HLCS: variants seen among roughly 807,000 people sequenced by gnomAD.
The protein encoded by HLCS is biotin--protein ligase.
In HLCS, 53 loss-of-function variants were observed where a neutral mutation model predicts 75.0. The ratio of observed to expected loss-of-function variants is 0.71; its 90% CI spans 0.57 to 0.89. The LOEUF (loss-of-function observed/expected upper bound fraction) is 0.89, where lower values mean the gene tolerates loss of function less well. Among genes scored for constraint, HLCS ranks in the 40% least tolerant of loss-of-function variants. The pLI, the probability that HLCS is intolerant of heterozygous loss-of-function variation, is 0.00. For missense variants in HLCS, 966 were observed against 1,074.0 expected (o/e 0.90, Z 1.41); for synonymous variants, 431 against 428.6 (o/e 1.01, Z -0.07).
rs1030820381 is a variant in HLCS, at chr21:36,966,501, C to G, written c.138G>C (p.Pro46=). The change falls in exon 1 of 11, where the codon CCG becomes CCC. Residue 46 remains proline, a synonymous_variant. Transcript: ENST00000674895. ...FTFCGAAAQP[P]GARVCLSRGG... is the part of the protein sequence containing the mutation. Reference sequence around the variant, plus strand: ...CACGGCTCAGGCACACGCGGGCGCCCGGGGGCTGCGCGGCCGCGCCGCAGA... The same window carrying G: ...CACGGCTCAGGCACACGCGGGCGCCGGGGGGCTGCGCGGCCGCGCCGCAGA... 4.1e-6 allele frequency: 4 copies of G among 986,246 alleles called. No individual in the cohort carries two copies. The highest frequency in any genetic ancestry group is 1.8e-5 in the African/African-American group (1 of 56,962). The allele number at this position is 986,246 out of a possible 1,614,324, so 61.1% of individuals were successfully genotyped here. A position where few individuals can be genotyped will look rare whatever the true frequency, so the allele number is the denominator to read the frequency against.
At position 36,816,778 on chromosome 21, in the gene HLCS, A is replaced by G. The variant is rs185133783; in HGVS notation, c.1893-49493T>C. Among the ~76,000 whole-genome samples the G allele has an allele frequency of 2.5e-3, 385 of 152,356 alleles. 10 individuals are homozygous for G. The highest frequency in any genetic ancestry group is 0.024 in the Admixed American group (366 of 15,304). On this transcript the variant is annotated intron_variant, in intron 6 of 10. Coordinates refer to ENST00000674895, the MANE Select transcript of HLCS (RefSeq NM_001352514.2). Reference sequence around the variant, plus strand: ...TACATGGCACAGCTCCAAAGGCAAGAAGCTCATAGCCACCACGAATCTAGT... The same window carrying G: ...TACATGGCACAGCTCCAAAGGCAAGGAGCTCATAGCCACCACGAATCTAGT...
At chr21:36,942,536 G>A (rs2409869) in intron 2 of HLCS, among the ~76,000 whole-genome samples, 91,580 of 151,790 alleles carry the variant, frequency 0.6, 27,860 homozygotes, top group East Asian at 0.68. Context: ...TTCAGAGAAG[G>A]AAAACACAGG....
At chr21:36,908,551 C>T (rs1051665767) in intron 5 of HLCS, among the ~76,000 whole-genome samples, 6 of 152,010 alleles carry the variant, frequency 3.9e-5, no homozygotes, top group Non-Finnish European at 7.4e-5. Flanking sequence ...CTCATATGAC[C>T]GAGAAATTCT....
At chr21:36,969,707 G>C (rs1406793328), upstream of HLCS, 1 of 151,952 alleles carries the variant, frequency 6.6e-6, no homozygotes, top group African/African-American at 2.4e-5. Context: ...CGAGTAGCTG[G>C]GATTACAAGC....
chr21:36,856,515 A>G (rs551792089), intron 6 of HLCS, among the ~76,000 whole-genome samples: 1 of 152,338 alleles, frequency 6.6e-6, no homozygotes, highest in East Asian at 1.9e-4. Flanking sequence ...CACGGCTTCT[A>G]TGGGTCGAAA....
chr21:36,751,006 G>A lies in HLCS; in HGVS notation c.*3240C>T, dbSNP rs1359248520. The A allele has an allele frequency of 6.7e-6, 1 of 150,246 alleles. No individual in the cohort carries two copies. Among genetic ancestry groups the A allele is most frequent in the Non-Finnish European group, 1.5e-5 (1 of 67,708 alleles). 9.3% of individuals were successfully genotyped at this position (150,246 alleles called of 1,614,324 possible). On this transcript the variant is annotated 3_prime_UTR_variant, in exon 11 of 11. Transcript: ENST00000674895. ...CTTGTGTATGGCGCTGAATACATTT[G>A]TCAATAATACGTCAAAAAAAAAAAC...
At position 36,854,358 on chromosome 21, in the gene HLCS, C is replaced by A. The variant is rs560582994; in HGVS notation, c.1892+42502G>T. 2.2e-3 allele frequency among the ~76,000 whole-genome samples: 332 copies of A among 152,262 alleles called. 3 individuals carry two copies. Among genetic ancestry groups the A allele is most frequent in the African/African-American group, 7.7e-3 (321 of 41,558 alleles). On this transcript the variant is annotated intron_variant, in intron 6 of 10. Transcript: ENST00000674895. Reference sequence around the variant, plus strand: ...GGAACAAAAGCTCCCGGGGTTCCCACCAGAGACAGGCACATCTGGGGCACG... The same window carrying A: ...GGAACAAAAGCTCCCGGGGTTCCCAACAGAGACAGGCACATCTGGGGCACG...
intron 5 of HLCS, among the ~76,000 whole-genome samples, chr21:36,917,433 C>T (rs1025639701): frequency 6.6e-6 from 1 of 152,110 alleles, no homozygotes; most frequent in Non-Finnish European, 1.5e-5. Flanking sequence ...AAATGCAGGG[C>T]GCACTTTCCC....
chr21:36,756,130 G>A (rs1478665899), intron 10 of HLCS, among the ~76,000 whole-genome samples: 1 of 152,026 alleles, frequency 6.6e-6, no homozygotes, highest in Non-Finnish European at 1.5e-5. Flanking sequence ...CCAGTGCTCG[G>A]TCCCTCATTT....
At chr21:36,807,721 C>T (rs943272807) in intron 6 of HLCS, among the ~76,000 whole-genome samples, 1 of 152,214 alleles carries the variant, frequency 6.6e-6, no homozygotes, top group Non-Finnish European at 1.5e-5. Context: ...CGACCCTGTT[C>T]TGTGGATCCG....
intron 6 of HLCS, among the ~76,000 whole-genome samples, chr21:36,869,786 A>G (rs1239635089): frequency 6.6e-6 from 1 of 152,192 alleles, no homozygotes; most frequent in African/African-American, 2.4e-5. Context: ...TTGTGTTTAT[A>G]ACATCTGGGT....
chr21:36,862,655 A>C (rs1822712517), intron 6 of HLCS, among the ~76,000 whole-genome samples: 1 of 152,146 alleles, frequency 6.6e-6, no homozygotes, highest in South Asian at 2.1e-4. Context: ...ACCTCTCCGC[A>C]TCCGTTCCTC....
At chr21:36,911,605 C>T (rs1039469794) in intron 5 of HLCS, among the ~76,000 whole-genome samples, 9 of 151,812 alleles carry the variant, frequency 5.9e-5, no homozygotes, top group East Asian at 1.9e-4. Context: ...AAAAATTAAC[C>T]GGGTGTTGTG....
At chr21:36,924,614 C>T (rs192746823) in intron 5 of HLCS, among the ~76,000 whole-genome samples, 102 of 152,254 alleles carry the variant, frequency 6.7e-4, no homozygotes, top group African/African-American at 1.9e-3. Flanking sequence ...CTGTCCTGTA[C>T]GCCAGCTTCC....
At chr21:36,832,160 CG>C (rs2062234191) in intron 6 of HLCS, among the ~76,000 whole-genome samples, 1 of 152,174 alleles carries the variant, frequency 6.6e-6, no homozygotes, top group African/African-American at 2.4e-5. Context: ...TATGCCTCGG[CG>C]CCTCTCCTCT....
At chr21:36,873,972 T>G (rs1355952024) in intron 6 of HLCS, among the ~76,000 whole-genome samples, 1 of 152,182 alleles carries the variant, frequency 6.6e-6, no homozygotes, top group Non-Finnish European at 1.5e-5. Context: ...TTTAAGAAAT[T>G]TCTTCTTAGT....
chr21:36,766,808 C>T (rs2145774933), intron 7 of HLCS, among the ~76,000 whole-genome samples: 1 of 152,260 alleles, frequency 6.6e-6, no homozygotes, highest in East Asian at 1.9e-4. Flanking sequence ...CAGCCCAGGG[C>T]CAGCTGGGGT....
chr21:36,824,066 G>C (rs1281300349), intron 6 of HLCS, among the ~76,000 whole-genome samples: 1 of 152,102 alleles, frequency 6.6e-6, no homozygotes, highest in African/African-American at 2.4e-5. Flanking sequence ...GATCACCTGA[G>C]GTCAGGAGTT....
intron 1 of HLCS, among the ~76,000 whole-genome samples, chr21:36,964,510 T>C (rs1467949547): frequency 2.6e-5 from 4 of 152,174 alleles, no homozygotes; most frequent in Admixed American, 1.3e-4. Flanking sequence ...CGAACTAGAA[T>C]AGGAACTGTG....
Sources: allele counts gnomAD v4.1 joint callset (sites outside exome capture counted in the v4.1 genomes callset), GRCh38; gene constraint gnomAD v4.1.1; transcripts MANE v1.5; gene names NCBI Gene and HGNC (gene_info 2026-07-23, HGNC 2026-07-21).